The following ERBB4 variants were observed in gnomAD, a reference collection of about 807,000 sequenced individuals.
The protein encoded by ERBB4 is erb-b2 receptor tyrosine kinase 4.
ERBB4 carries 42 observed loss-of-function variants against 158.0 expected under a neutral mutation model. That is an observed-to-expected ratio of 0.27 (90% CI 0.21 to 0.34). The LOEUF (loss-of-function observed/expected upper bound fraction) is 0.34, where lower values mean the gene tolerates loss of function less well. ERBB4 is among the 10% of genes least tolerant of loss of function. The pLI, the probability that ERBB4 is intolerant of heterozygous loss-of-function variation, is 1.00. For missense variants in ERBB4, 1,333 were observed against 1,624.1 expected, an observed-to-expected ratio of 0.82 and a Z score of 3.08; for synonymous variants, 583 against 558.7, an observed-to-expected ratio of 1.04 and a Z score of -0.61.
At chr2:212,147,190 G>C (rs1281615346) in intron 1 of ERBB4, among the ~76,000 whole-genome samples, 1 of 28,072 alleles carries the variant, frequency 3.6e-5, no homozygotes, top group Non-Finnish European at 8.3e-5. Context: ...TTTTTTTGTA[G>C]AGATGGGGTT....
At chr2:212,135,558 T>C (rs2080246865) in intron 1 of ERBB4, among the ~76,000 whole-genome samples, 1 of 152,210 alleles carries the variant, frequency 6.6e-6, no homozygotes, top group Non-Finnish European at 1.5e-5. Flanking sequence ...AACATTTCTA[T>C]GTTGAAAATA....
intron 25 of ERBB4, among the ~76,000 whole-genome samples, chr2:211,412,694 G>A (rs1246042956): frequency 6.6e-6 from 1 of 152,038 alleles, no homozygotes; most frequent in African/African-American, 2.4e-5. Context: ...GGTGGCTCAC[G>A]TCTGTAATCC....
intron 5 of ERBB4, among the ~76,000 whole-genome samples, chr2:211,736,164 A>T (rs961185108): frequency 1.2e-4 from 17 of 146,770 alleles, no homozygotes; most frequent in Middle Eastern, 3.5e-3. Context: ...CTCTGTCTCA[A>T]AAAAAGGAAA....
intron 19 of ERBB4, among the ~76,000 whole-genome samples, chr2:211,610,906 C>T (rs893296205): frequency 2.0e-5 from 3 of 152,054 alleles, no homozygotes; most frequent in East Asian, 3.9e-4. Flanking sequence ...TTGAGGCTTA[C>T]GGAGAGCAAC....
chr2:211,612,938 G>A (rs368377416), intron 19 of ERBB4, among the ~76,000 whole-genome samples: 27 of 151,966 alleles, frequency 1.8e-4, no homozygotes, highest in African/African-American at 6.5e-4. Context: ...TCAAATTTCT[G>A]GTAGGGACAA....
chr2:212,170,295 T>C (rs1039274650), intron 1 of ERBB4, among the ~76,000 whole-genome samples: 2 of 152,214 alleles, frequency 1.3e-5, no homozygotes, highest in Non-Finnish European at 2.9e-5. Context: ...ATTTTGCCCC[T>C]GCCCTAGAGA....
intron 19 of ERBB4, among the ~76,000 whole-genome samples, chr2:211,580,891 ATATATATATATATAT>A (rs1178782057): frequency 0.43 from 6,187 of 14,538 alleles, 1,791 homozygotes; most frequent in African/African-American, 0.66. Flanking sequence ...ATATATATAT[ATATATATATATATAT>A]ATATATATAT....
intron 3 of ERBB4, among the ~76,000 whole-genome samples, chr2:211,890,354 C>T (rs2078930032): frequency 7.1e-6 from 1 of 141,566 alleles, no homozygotes; most frequent in South Asian, 2.3e-4. Flanking sequence ...CAAGCAAATG[C>T]TGAGAGATTT....
chr2:212,265,117 T>C (rs548336136), intron 1 of ERBB4, among the ~76,000 whole-genome samples: 7 of 152,206 alleles, frequency 4.6e-5, no homozygotes, highest in African/African-American at 1.7e-4. Context: ...TATTCAGTGC[T>C]CAGGACACTA....
chr2:212,250,998 C>T (rs1009867977), intron 1 of ERBB4, among the ~76,000 whole-genome samples: 12 of 151,934 alleles, frequency 7.9e-5, no homozygotes, highest in African/African-American at 2.7e-4. Context: ...AACTCTGGCA[C>T]ACAATTATGG....
intron 1 of ERBB4, among the ~76,000 whole-genome samples, chr2:212,350,099 T>C (rs756145944): frequency 3.3e-5 from 5 of 152,112 alleles, no homozygotes; most frequent in Non-Finnish European, 5.9e-5. Flanking sequence ...AGTTTCTAAA[T>C]GCAAAGAACT....
chr2:211,581,097 G>A (rs1364724714), intron 19 of ERBB4, among the ~76,000 whole-genome samples: 2 of 150,510 alleles, frequency 1.3e-5, no homozygotes, highest in Non-Finnish European at 3.0e-5. Flanking sequence ...AAGACACAAT[G>A]GACTTTGGGG....
At position 212,010,766 on chromosome 2, in the gene ERBB4, G is replaced by A. The variant is rs577420536; in HGVS notation, c.235-63150C>T. ...GCCTGAGGGTACTGCAAGAGACCAG[G>A]ACATATCTCAGTCCTTATCTCAACC... On this transcript the variant is annotated intron_variant, in intron 2 of 27. Transcript: ENST00000342788. Among the ~76,000 whole-genome samples, 5 of 152,182 alleles carry A rather than the reference G, an allele frequency of 3.3e-5. No homozygotes were observed. The South Asian group carries it at 8.3e-4, about 25-fold the overall frequency.
In ERBB4 at chr2:212,447,440, TC is replaced by T. The variant is rs548633352; in HGVS notation, c.82+91008del. Among the ~76,000 whole-genome samples the T allele has an allele frequency of 3.9e-5, 6 of 152,286 alleles. No individual in the cohort carries two copies. In the South Asian group the frequency reaches 1.2e-3, roughly 32 times the overall value. On this transcript the variant is annotated intron_variant, in intron 1 of 27. Coordinates refer to ENST00000342788, the MANE Select transcript of ERBB4 (RefSeq NM_005235.3). ...CTAATGAGAACTAATAATTACTTTT[TC>T]CCAGAAAACAAAGTCAAGATTTCCA...
intron 20 of ERBB4, among the ~76,000 whole-genome samples, chr2:211,515,912 A>ATATATATAT (rs35696520): frequency 1.3e-5 from 1 of 78,976 alleles, no homozygotes; most frequent in African/African-American, 5.7e-5. Flanking sequence ...ATATATATAT[A>ATATATATAT]TTTTTTTTTT....
chr2:211,727,886 T>C (rs2106142008), intron 5 of ERBB4, among the ~76,000 whole-genome samples: 1 of 152,094 alleles, frequency 6.6e-6, no homozygotes, highest in African/African-American at 2.4e-5. Flanking sequence ...TTACATGCTA[T>C]TTTTTACCAT....
chr2:211,630,113 C>T (rs140626732), intron 17 of ERBB4, among the ~76,000 whole-genome samples: 1,603 of 152,268 alleles, frequency 0.011, 14 homozygotes, highest in Non-Finnish European at 0.017. Context: ...AACAGGCAAC[C>T]TACAGAATGA....
chr2:212,080,971 C>T (rs554892847), intron 2 of ERBB4, among the ~76,000 whole-genome samples: 17 of 152,222 alleles, frequency 1.1e-4, no homozygotes, highest in Admixed American at 9.8e-4. Context: ...TTGGAACATT[C>T]TTCATAGAGA....
chr2:211,632,013 TC>T (rs1337671489), intron 16 of ERBB4, among the ~76,000 whole-genome samples: 29 of 152,142 alleles, frequency 1.9e-4, no homozygotes, highest in African/African-American at 7.0e-4. Flanking sequence ...CTGCGTAACT[TC>T]TTCTATAAAT....
Sources: allele counts gnomAD v4.1 joint callset (sites outside exome capture counted in the v4.1 genomes callset), GRCh38; gene constraint gnomAD v4.1.1; transcripts MANE v1.5; gene names NCBI Gene and HGNC (gene_info 2026-07-23, HGNC 2026-07-21).